SHANK1: variants seen among roughly 807,000 people sequenced by gnomAD.
SHANK1 encodes the protein SH3 and multiple ankyrin repeat domains 1.
In SHANK1, 35 loss-of-function variants were observed where a neutral mutation model predicts 165.6. That is an observed-to-expected ratio of 0.21 (90% confidence interval 0.16 to 0.28). The LOEUF (loss-of-function observed/expected upper bound fraction) is 0.28, where lower values mean the gene tolerates loss of function less well. Among genes scored for constraint, SHANK1 ranks in the 10% least tolerant of loss-of-function variants. SHANK1 has a pLI of 1.00. For missense variants in SHANK1, 2,681 were observed against 3,036.4 expected (o/e 0.88, Z 2.75); for synonymous variants, 1,428 against 1,384.8 (o/e 1.03, Z -0.69).
At position 50,659,361 on chromosome 19, in the gene SHANK1, G is replaced by A. The variant is rs568447964; in HGVS notation, c.*2604C>T. 309 of 382,736 alleles carry A rather than the reference G, an allele frequency of 8.1e-4. No individual in the cohort carries two copies. Among genetic ancestry groups the A allele is most frequent in the African/African-American group, 5.8e-3 (277 of 47,936 alleles). 23.7% of individuals were successfully genotyped at this position (382,736 alleles called of 1,614,324 possible). ...GAGTCAGGGGAAGGGAGGTGATGGG[G>A]GGTAGGAATGAACCCCCATGTTATA... is the stretch of plus-strand genomic sequence containing the variant. On this transcript the variant is annotated 3_prime_UTR_variant, in exon 24 of 24. Transcript: ENST00000293441.
chr19:50,668,814 C>T lies in SHANK1; in HGVS notation c.3146G>A (p.Gly1049Asp). The change falls in exon 23 of 24, where the codon GGC (glycine) becomes GAC (aspartate). Residue 1049 changes from glycine to aspartate, a missense_variant. Gly to Asp is a moderately conservative substitution (Grantham distance 94). Coordinates refer to ENST00000293441, the MANE Select transcript of SHANK1 (RefSeq NM_016148.5). ...CGGGCTGGGCCCGCCGCCCCTCCAGCCTCGCAGGCTGGGCTGGGGCCCCAG... is the reference window on the plus strand; with the variant it reads ...CGGGCTGGGCCCGCCGCCCCTCCAGTCTCGCAGGCTGGGCTGGGGCCCCAG... ...LALGPQPSLRGWRGGGPSPTP... is the reference protein window; with the variant it reads ...LALGPQPSLRDWRGGGPSPTP... 1 of 1,269,424 alleles carries T rather than the reference C, an allele frequency of 7.9e-7. No individual in the cohort carries two copies. Among genetic ancestry groups the T allele is most frequent in the East Asian group, 3.1e-5 (1 of 31,764 alleles). 78.6% of individuals were successfully genotyped at this position (1,269,424 alleles called of 1,614,324 possible). A position where few individuals can be genotyped will look rare whatever the true frequency, so the allele number is the denominator to read the frequency against.
chr19:50,662,078 C>G lies in SHANK1; in HGVS notation c.6373G>C (p.Asp2125His). The G allele has an allele frequency of 1.2e-6, 2 of 1,614,194 alleles. No homozygotes were observed. The highest frequency in any genetic ancestry group is 1.7e-6 in the Non-Finnish European group (2 of 1,180,032). ...GTCAAGGCGGGCAGGTGGGAGCCAT[C>G]GATCTCGTGGTCCAGGAACTGGGCT... ...HRAQFLDHEI[D>H]GSHLPALTKE... The change falls in exon 24 of 24, where the codon GAT becomes CAT. Residue 2125 changes from aspartate (D) to histidine (H), a missense_variant. By Grantham distance (81) the Asp-to-His change is moderately conservative. Around this residue, in one of 10 missense-constraint regions of SHANK1, gnomAD observed 49 missense variants for 94.2 expected, o/e 0.52. Coordinates refer to ENST00000293441, the MANE Select transcript of SHANK1 (RefSeq NM_016148.5). The surrounding 1 kb of genome is among the most constrained non-coding windows in gnomAD (Gnocchi z 7.7).
Position 50,686,476 on chromosome 19 carries a change from G to A in SHANK1, c.2459-121C>T, listed in dbSNP as rs1236883045. 1.2e-6 allele frequency: 1 copy of A among 807,254 alleles called. No individual in the cohort carries two copies. The highest frequency in any genetic ancestry group is 2.0e-6 in the Non-Finnish European group (1 of 497,150). The allele number at this position is 807,254 out of a possible 1,614,324, so 50.0% of individuals were successfully genotyped here. ...CCAGCACCTGGATCAACCAGGAAAGGGCAGCCCTGCCTGGGTCCGGGTGGA... is the reference window on the plus strand; with the variant it reads ...CCAGCACCTGGATCAACCAGGAAAGAGCAGCCCTGCCTGGGTCCGGGTGGA... On this transcript the variant is annotated intron_variant, in intron 20 of 23. Coordinates refer to ENST00000293441, the MANE Select transcript of SHANK1 (RefSeq NM_016148.5). This position sits in a 1 kb window ranked among gnomAD's most constrained non-coding sequence, Gnocchi z 5.7.
Position 50,667,832 on chromosome 19 carries a change from C to T in SHANK1, c.4128G>A (p.Pro1376=). The part of the protein sequence containing the change: ...ESSEGGGAPQ[P]PPRPPSPRYE... ...AGCGGGGCGATGGGGGCCTGGGAGGCGGCTGGGGGGCCCCGCCGCCCTCCG... is the reference window on the plus strand; with the variant it reads ...AGCGGGGCGATGGGGGCCTGGGAGGTGGCTGGGGGGCCCCGCCGCCCTCCG... The change falls in exon 23 of 24, where the codon CCG becomes CCA. Residue 1376 remains proline, a synonymous_variant. Transcript: ENST00000293441. This position sits in a 1 kb window ranked among gnomAD's most constrained non-coding sequence, Gnocchi z 5.7. 7.7e-7 allele frequency: 1 copy of T among 1,295,744 alleles called. No individual in the cohort carries two copies. The highest frequency in any genetic ancestry group is 9.7e-7 in the Non-Finnish European group (1 of 1,026,138). The allele number at this position is 1,295,744 out of a possible 1,614,324, so 80.3% of individuals were successfully genotyped here.
At chr19:50,676,585 G>A (rs751076832) in intron 21 of SHANK1, among the ~76,000 whole-genome samples, 9 of 152,050 alleles carry the variant, frequency 5.9e-5, no homozygotes, top group Non-Finnish European at 1.0e-4. Context: ...TTCAGATTTC[G>A]GCTCCAAGGT....
chr19:50,713,716 C>T lies in SHANK1; in HGVS notation c.792+82G>A. The T allele has an allele frequency of 6.4e-7, 1 of 1,562,230 alleles. No individual in the cohort carries two copies. Among genetic ancestry groups the T allele is most frequent in the South Asian group, 1.1e-5 (1 of 87,264 alleles). On this transcript the variant is annotated intron_variant, in intron 6 of 23. Transcript: ENST00000293441. This position sits in a 1 kb window ranked among gnomAD's most constrained non-coding sequence, Gnocchi z 6.2. ...GAGAGGGCCTATTTTTAACTGAAAC[C>T]AAAGAACTGAGGTTTGAGAAAGAAC... is the stretch of plus-strand genomic sequence containing the variant.
chr19:50,707,465 A>T (rs1437955098), intron 8 of SHANK1, among the ~76,000 whole-genome samples: 1 of 152,066 alleles, frequency 6.6e-6, no homozygotes, highest in African/African-American at 2.4e-5. Flanking sequence ...GTATGGGCCT[A>T]TGTTACAGGA....
At chr19:50,699,775 T>G (rs1986847888) in intron 12 of SHANK1, among the ~76,000 whole-genome samples, 1 of 146,694 alleles carries the variant, frequency 6.8e-6, no homozygotes, top group South Asian at 2.2e-4. Flanking sequence ...CTTGGGCCAT[T>G]GGGGGAATGG....
At position 50,716,619 on chromosome 19, in the gene SHANK1, G is replaced by A; in HGVS notation, c.255+46C>T. 1 of 1,552,704 alleles carries A rather than the reference G, an allele frequency of 6.4e-7. No homozygotes were observed. Among genetic ancestry groups the A allele is most frequent in the Middle Eastern group, 1.7e-4 (1 of 5,762 alleles). ...CACCAGTGGACTCCCCATGTCGGTT[G>A]GGGCACTGTCCCTCTCCTGCCGCTG... On this transcript the variant is annotated intron_variant, in intron 2 of 23. Transcript: ENST00000293441. This position sits in a 1 kb window ranked among gnomAD's most constrained non-coding sequence, Gnocchi z 8.4.
In SHANK1 at chr19:50,666,322, G is replaced by T; in HGVS notation, c.5638C>A (p.Gln1880Lys). ...IISELSSKLQ[Q>K]FGGSSAAGGA... ...CCAGCTGCCGAGGAGCCCCCAAACT[G>T]CTGAAGCTTGGAGCTGAGTTCACTG... Residue 1880 changes from glutamine to lysine, a missense_variant, in exon 23 of 24, where the codon CAG becomes AAG. By Grantham distance (53) the Gln-to-Lys change is moderately conservative. Around this residue, in one of 10 missense-constraint regions of SHANK1, gnomAD observed 1,713 missense variants for 1,630.2 expected, o/e 1.05. Coordinates refer to ENST00000293441, the MANE Select transcript of SHANK1 (RefSeq NM_016148.5). 6.2e-7 allele frequency: 1 copy of T among 1,613,628 alleles called. No individual in the cohort carries two copies. Among genetic ancestry groups the T allele is most frequent in the Non-Finnish European group, 8.5e-7 (1 of 1,179,872 alleles).
At position 50,688,595 on chromosome 19, in the gene SHANK1, G is replaced by T. The variant is rs557002865; in HGVS notation, c.2172+249C>A. Among the ~76,000 whole-genome samples, 6 of 152,160 alleles carry T rather than the reference G, an allele frequency of 3.9e-5. No individual in the cohort carries two copies. Among genetic ancestry groups the T allele is most frequent in the Non-Finnish European group, 8.8e-5 (6 of 68,032 alleles). On this transcript the variant is annotated intron_variant, in intron 17 of 23. Coordinates refer to ENST00000293441, the MANE Select transcript of SHANK1 (RefSeq NM_016148.5). This position sits in a 1 kb window ranked among gnomAD's most constrained non-coding sequence, Gnocchi z 6.7. ...AGCACTGGGATCACAGGCGTGAGCC[G>T]CTGTGCCTGGCCATCCCCCGGTATT...
intron 15 of SHANK1, among the ~76,000 whole-genome samples, chr19:50,695,685 C>T (rs533735437): frequency 6.6e-6 from 1 of 152,168 alleles, no homozygotes; most frequent in Non-Finnish European, 1.5e-5. Flanking sequence ...AGAGAGGCCC[C>T]AGGCGGGGAC....
chr19:50,666,174 C>T lies in SHANK1; in HGVS notation c.5768+18G>A. On this transcript the variant is annotated intron_variant, in intron 23 of 23. Coordinates refer to ENST00000293441, the MANE Select transcript of SHANK1 (RefSeq NM_016148.5). ...CAACACCTCTGGCCTCCCTTGTTGG[C>T]CACCAGCCCCCGCTTACCTCTGCCG... 1 of 1,554,210 alleles carries T rather than the reference C, an allele frequency of 6.4e-7. No individual in the cohort carries two copies. Among genetic ancestry groups the T allele is most frequent in the Non-Finnish European group, 8.7e-7 (1 of 1,149,482 alleles).
In SHANK1 at chr19:50,666,928, C is replaced by T; in HGVS notation, c.5032G>A (p.Val1678Met). The T allele has an allele frequency of 2.5e-6, 4 of 1,601,688 alleles. No homozygotes were observed. The highest frequency in any genetic ancestry group is 1.3e-5 in the African/African-American group (1 of 74,924). ...PPGTDSGIEE[V>M]DSRSSSDHPL... Reference sequence around the variant, plus strand: ...TGGTCACTGCTGCTCCGACTGTCCACCTCCTCGATGCCAGAATCCGTGCCA... The same window carrying T: ...TGGTCACTGCTGCTCCGACTGTCCATCTCCTCGATGCCAGAATCCGTGCCA... The change falls in exon 23 of 24, where the codon GTG becomes ATG. Residue 1678 changes from valine to methionine, a missense_variant. Val to Met is a conservative substitution (Grantham distance 21). Around this residue, in one of 10 missense-constraint regions of SHANK1, gnomAD observed 1,713 missense variants for 1,630.2 expected, o/e 1.05. Transcript: ENST00000293441.
intron 15 of SHANK1, among the ~76,000 whole-genome samples, chr19:50,692,327 C>A (rs1041807448): frequency 6.6e-6 from 1 of 151,790 alleles, no homozygotes; most frequent in African/African-American, 2.4e-5. Context: ...TTAGTCCTCA[C>A]AACAACCCAG....
At chr19:50,704,288 C>T in intron 9 of SHANK1, 102 bp from the exon 10 acceptor site, 1 of 1,341,326 alleles carries the variant, frequency 7.5e-7, no homozygotes, top group Middle Eastern at 1.9e-4. Flanking sequence ...ACCTTCCACT[C>T]CGACAATGCC....
At chr19:50,705,511 A>G (rs1025567869) in intron 8 of SHANK1, among the ~76,000 whole-genome samples, 1 of 152,146 alleles carries the variant, frequency 6.6e-6, no homozygotes, top group Admixed American at 6.6e-5. Context: ...TGCTCATGCT[A>G]TGTTCCACTG....
At position 50,668,876 on chromosome 19, in the gene SHANK1, T is replaced by G; in HGVS notation, c.3084A>C (p.Thr1028=). ...GTGGAGGGTCGTCGGGAGAGCCGCC[T>G]GTCTCCATCTCGGGAGGATGAGGGG... The part of the protein sequence containing the change: ...AHPPHPPEME[T]GGSPDDPPPR... Residue 1028 remains threonine, a synonymous_variant, in exon 23 of 24, where the codon ACA becomes ACC. Transcript: ENST00000293441. 7.8e-7 allele frequency: 1 copy of G among 1,287,020 alleles called. No homozygotes were observed. Among genetic ancestry groups the G allele is most frequent in the Non-Finnish European group, 9.8e-7 (1 of 1,023,456 alleles). The allele number at this position is 1,287,020 out of a possible 1,614,324, so 79.7% of individuals were successfully genotyped here.
chr19:50,695,329 G>A (rs2123154485), intron 15 of SHANK1, among the ~76,000 whole-genome samples: 1 of 148,780 alleles, frequency 6.7e-6, no homozygotes, highest in East Asian at 2.0e-4. Flanking sequence ...CTTCAGCACC[G>A]CGGACAGCTC....
Sources: gnomAD v4.1 joint callset for allele counts (sites outside exome capture counted in the v4.1 genomes callset) on GRCh38, gnomAD v4.1.1 for gene constraint, gnomAD v4.1.1 regional missense constraint, Gnocchi (gnomAD v3.1) non-coding constraint, MANE v1.5 for transcripts, NCBI Gene and HGNC (gene_info 2026-07-23, HGNC 2026-07-21) for gene names.